NEK10: variants seen among roughly 807,000 people sequenced by gnomAD.
NEK10 encodes NIMA related kinase 10.
In NEK10, 122 loss-of-function variants were observed where a neutral mutation model predicts 159.8. The ratio of observed to expected loss-of-function variants is 0.76; its 90% CI spans 0.66 to 0.89. NEK10 has a LOEUF of 0.89. Among genes scored for constraint, NEK10 ranks in the 40% least tolerant of loss-of-function variants. The pLI is 0.00. For synonymous variants in NEK10, 466 were observed against 457.1 expected (o/e 1.02, Z -0.25); for missense variants, 1,342 against 1,323.1 (o/e 1.01, Z -0.22).
intron 23 of NEK10, among the ~76,000 whole-genome samples, chr3:27,227,377 C>T (rs1952744443): frequency 6.6e-6 from 1 of 152,192 alleles, no homozygotes; most frequent in Non-Finnish European, 1.5e-5. Context: ...AGTTCTCTTC[C>T]ATAGCTCCCA....
At position 27,198,656 on chromosome 3, in the gene NEK10, C is replaced by T. The variant is rs142611360; in HGVS notation, c.2291+2854G>A. ...CCCATATACAAAAATCAACTCAAGA[C>T]AGATTAAAGACTTAAATGTGAAACC... On this transcript the variant is annotated intron_variant, in intron 25 of 35. Transcript: ENST00000691995. Among the ~76,000 whole-genome samples the T allele has an allele frequency of 2.3e-3, 347 of 152,198 alleles. 1 individual carries two copies. Among genetic ancestry groups the T allele is most frequent in the Middle Eastern group, 0.01 (3 of 294 alleles).
chr3:27,244,075 C>A (rs988770368), intron 23 of NEK10, among the ~76,000 whole-genome samples: 1 of 152,186 alleles, frequency 6.6e-6, no homozygotes, highest in Non-Finnish European at 1.5e-5. Context: ...CTGAGAGATA[C>A]CCTGTGGCTT....
intron 29 of NEK10, among the ~76,000 whole-genome samples, chr3:27,165,455 C>T (rs1470260761): frequency 3.9e-5 from 6 of 152,142 alleles, no homozygotes; most frequent in South Asian, 4.1e-4. Flanking sequence ...GTGTTCCCAT[C>T]GTATCACAAG....
intron 6 of NEK10, among the ~76,000 whole-genome samples, 160 bp downstream of exon 6, chr3:27,322,017 C>A (rs1229791368): frequency 6.6e-6 from 1 of 152,106 alleles, no homozygotes; most frequent in African/African-American, 2.4e-5. Flanking sequence ...CCTCTCAAAT[C>A]TTTTTAAATA....
intron 23 of NEK10, among the ~76,000 whole-genome samples, chr3:27,246,979 G>A (rs1955136621): frequency 6.6e-6 from 1 of 152,060 alleles, no homozygotes; most frequent in Non-Finnish European, 1.5e-5. Flanking sequence ...TAAATTTGTT[G>A]ATCAGTTCTA....
chr3:27,155,699 GA>G (rs1238233040), intron 30 of NEK10, among the ~76,000 whole-genome samples: 1 of 151,950 alleles, frequency 6.6e-6, no homozygotes, highest in Admixed American at 6.6e-5. Flanking sequence ...TCAATATTGT[GA>G]AAATGACCAT....
intron 22 of NEK10, among the ~76,000 whole-genome samples, chr3:27,260,799 C>T (rs1216385936): frequency 6.6e-6 from 1 of 152,122 alleles, no homozygotes; most frequent in Non-Finnish European, 1.5e-5. Flanking sequence ...AGGAATGGTA[C>T]CAGCTCTTCC....
At position 27,141,519 on chromosome 3, in the gene NEK10, A is replaced by G. The variant is rs780408151; in HGVS notation, c.2933T>C (p.Ile978Thr). Residue 978 changes from isoleucine to threonine, a missense_variant, in exon 31 of 36, where the codon ATA (isoleucine) becomes ACA (threonine). Physicochemically the swap from Ile to Thr is moderately conservative, Grantham distance 89 (BLOSUM62 -1). Transcript: ENST00000691995. ...VRQISDPIQQ[I>T]LIQLHKIIYI... ...GATTATTTTGTGCAGCTGAATTAAT[A>G]TCTGCTGAATAGGATCACTGATCTG... is the stretch of plus-strand genomic sequence containing the variant. 1 of 1,613,250 alleles carries G rather than the reference A, an allele frequency of 6.2e-7. No homozygotes were observed. Among genetic ancestry groups the G allele is most frequent in the South Asian group, 1.1e-5 (1 of 90,938 alleles).
At chr3:27,318,200 T>C (rs945762089) in intron 6 of NEK10, among the ~76,000 whole-genome samples, 2 of 152,206 alleles carry the variant, frequency 1.3e-5, no homozygotes, top group Non-Finnish European at 2.9e-5. Context: ...CTAAAAGGTT[T>C]GGTATACTCG....
intron 23 of NEK10, among the ~76,000 whole-genome samples, chr3:27,225,952 T>C (rs543511741): frequency 3.3e-5 from 5 of 152,192 alleles, no homozygotes; most frequent in Admixed American, 1.3e-4. Flanking sequence ...TTCATAAGAT[T>C]AACTGACCAG....
At chr3:27,293,861 G>A (rs1280318227) in intron 15 of NEK10, among the ~76,000 whole-genome samples, 1 of 152,126 alleles carries the variant, frequency 6.6e-6, no homozygotes, top group East Asian at 1.9e-4. Flanking sequence ...TAGAATGCAG[G>A]GAATATTGGC....
chr3:27,322,892 A>T (rs553076838), intron 5 of NEK10, among the ~76,000 whole-genome samples: 1 of 152,210 alleles, frequency 6.6e-6, no homozygotes, highest in Non-Finnish European at 1.5e-5. Context: ...TTCATGCTGT[A>T]TCTGATGGAT....
At chr3:27,158,742 T>C (rs2148796950) in intron 30 of NEK10, among the ~76,000 whole-genome samples, 1 of 152,264 alleles carries the variant, frequency 6.6e-6, no homozygotes, top group South Asian at 2.1e-4. Flanking sequence ...GATTTTTAGT[T>C]GACATTATAT....
intron 23 of NEK10, among the ~76,000 whole-genome samples, chr3:27,244,059 G>T (rs751854268): frequency 1.3e-5 from 2 of 152,226 alleles, no homozygotes; most frequent in East Asian, 3.9e-4. Flanking sequence ...TCAAGTAACT[G>T]TCAGGCTGAG....
Position 27,192,092 on chromosome 3 carries a change from C to T in NEK10, c.2442G>A (p.Arg814=). The T allele has an allele frequency of 6.2e-7, 1 of 1,614,166 alleles. No individual in the cohort carries two copies. Among genetic ancestry groups the T allele is most frequent in the South Asian group, 1.1e-5 (1 of 91,078 alleles). The part of the protein sequence containing the change: ...KLERERRRTQ[R]YFMEANRNTV... ...TGTTCCGGTTGGCTTCCATAAAATA[C>T]CTTTGTGTGCGTCTTCGTTCCCGTT... Residue 814 remains arginine, a synonymous_variant, in exon 26 of 36, where the codon AGG becomes AGA. Transcript: ENST00000691995.
In NEK10 at chr3:27,352,794, C is replaced by T. The variant is rs773372116; in HGVS notation, c.71+18G>A. 1.5e-5 allele frequency: 23 copies of T among 1,563,940 alleles called. No homozygotes were observed. Among genetic ancestry groups the T allele is most frequent in the Non-Finnish European group, 1.9e-5 (22 of 1,135,246 alleles). ...ACTGCCTGAGTTAACAATTAGCAAA[C>T]ACTCAGTAGGGAGTTACCTGATGGT... is the stretch of plus-strand genomic sequence containing the variant. On this transcript the variant is annotated intron_variant, in intron 2 of 35. Transcript: ENST00000691995.
At chr3:27,270,887 A>T (rs1363538276) in intron 22 of NEK10, among the ~76,000 whole-genome samples, 1 of 151,980 alleles carries the variant, frequency 6.6e-6, no homozygotes, top group African/African-American at 2.4e-5. Flanking sequence ...ATAAAAAAAA[A>T]GTCCTCTCCT....
intron 26 of NEK10, among the ~76,000 whole-genome samples, chr3:27,188,409 G>A (rs1335528026): frequency 6.6e-6 from 1 of 152,126 alleles, no homozygotes; most frequent in African/African-American, 2.4e-5. Context: ...ACATTCAGAA[G>A]ACATCCAACA....
chr3:27,257,382 C>T (rs1443634027), intron 22 of NEK10, among the ~76,000 whole-genome samples: 1 of 152,148 alleles, frequency 6.6e-6, no homozygotes, highest in Non-Finnish European at 1.5e-5. Flanking sequence ...TCCAAATAAG[C>T]TTTGATATTC....
Sources: allele counts gnomAD v4.1 joint callset (sites outside exome capture counted in the v4.1 genomes callset), GRCh38; gene constraint gnomAD v4.1.1; transcripts MANE v1.5; gene names NCBI Gene and HGNC (gene_info 2026-07-23, HGNC 2026-07-21).